ATG2B: variants seen among roughly 807,000 people sequenced by gnomAD.
The protein encoded by ATG2B is autophagy-related protein 2 homolog B.
A neutral mutation model predicts 241.3 loss-of-function variants in ATG2B; 121 were observed. The ratio of observed to expected loss-of-function variants is 0.50; its 90% CI spans 0.43 to 0.58. The LOEUF (loss-of-function observed/expected upper bound fraction) is 0.58. Ranked by LOEUF, ATG2B falls within the 20% of genes least tolerant of loss-of-function variation. ATG2B has a pLI of 0.00. For synonymous variants in ATG2B, 858 were observed against 876.6 expected, an observed-to-expected ratio of 0.98 and a Z score of 0.37; for missense variants, 2,306 against 2,491.6, an observed-to-expected ratio of 0.93 and a Z score of 1.59.
Position 96,332,485 on chromosome 14 carries a change from T to C in ATG2B, c.1362+16A>G. 2.5e-5 allele frequency: 41 copies of C among 1,611,504 alleles called. No homozygotes were observed. The highest frequency in any genetic ancestry group is 3.3e-5 in the Non-Finnish European group (39 of 1,178,878). On this transcript the variant is annotated intron_variant, in intron 9 of 41. Coordinates refer to ENST00000359933, the MANE Select transcript of ATG2B (RefSeq NM_018036.7). Reference sequence around the variant, plus strand: ...GCAACTTTTCAGTCTAGAAGAAAAATTAAGTAATACTTTACCACAGTAGCA... The same window carrying C: ...GCAACTTTTCAGTCTAGAAGAAAAACTAAGTAATACTTTACCACAGTAGCA...
intron 23 of ATG2B, among the ~76,000 whole-genome samples, chr14:96,314,067 C>T (rs1010766761): frequency 1.3e-5 from 2 of 152,078 alleles, no homozygotes; most frequent in African/African-American, 4.8e-5. Flanking sequence ...ATTTCTAATC[C>T]AAACAAATAA....
At chr14:96,317,369 C>T (rs753637501) in intron 19 of ATG2B, 52 bp from the exon 20 acceptor site, 4 of 1,461,420 alleles carry the variant, frequency 2.7e-6, no homozygotes, top group East Asian at 4.6e-5. Context: ...AAAACAGCAA[C>T]ATAAAAATGA....
intron 14 of ATG2B, among the ~76,000 whole-genome samples, chr14:96,328,106 C>T (rs1017096491): frequency 2.6e-5 from 4 of 152,208 alleles, no homozygotes; most frequent in East Asian, 1.9e-4. Context: ...TGAGCCGCCA[C>T]GCCTGGCCAT....
In ATG2B at chr14:96,302,001, A is replaced by G; in HGVS notation, c.5139+6T>C. 2 of 1,609,396 alleles carry G rather than the reference A, an allele frequency of 1.2e-6. No individual in the cohort carries two copies. The highest frequency in any genetic ancestry group is 8.5e-7 in the Non-Finnish European group (1 of 1,176,206). ...TAACGGCAGGAATCACGCTCATGCT[A>G]CAAACCTGGTCAATATTGAGGCGGA... On this transcript the variant is annotated splice_donor_region_variant and intron_variant, in intron 34 of 41. Transcript: ENST00000359933.
chr14:96,297,359 A>G (rs1221314700), intron 34 of ATG2B, among the ~76,000 whole-genome samples: 1 of 151,628 alleles, frequency 6.6e-6, no homozygotes, highest in African/African-American at 2.4e-5. Context: ...AATGCACAAA[A>G]CAACAGATAA....
Position 96,280,200 on chromosome 14 carries a change from T to G in ATG2B, c.*5555A>C, listed in dbSNP as rs1175839725. 6.6e-6 allele frequency: 1 copy of G among 152,210 alleles called. No homozygotes were observed. Among genetic ancestry groups the G allele is most frequent in the Non-Finnish European group, 1.5e-5 (1 of 68,038 alleles). The allele number at this position is 152,210 out of a possible 1,614,324, so 9.4% of individuals were successfully genotyped here. On this transcript the variant is annotated 3_prime_UTR_variant, in exon 42 of 42. Transcript: ENST00000359933. ...ATTCTAAGAGCCTTTAATCTCAATC[T>G]TCTAGCAAAATTCTGTGGTTTCCCA... is the stretch of plus-strand genomic sequence containing the variant.
Position 96,329,606 on chromosome 14 carries a change from A to G in ATG2B, c.1759T>C (p.Tyr587His), listed in dbSNP as rs73363260. 1,687 of 1,607,622 alleles carry G rather than the reference A, an allele frequency of 1.0e-3. 16 individuals are homozygous for G. In the African/African-American group the frequency reaches 0.02, roughly 19 times the overall value. ...RFIGTGIKVS[Y>H]EQRQRSASRY... ...GAAGCTGATCTTTGTCTTTGTTCATAGGATACTTTAATGCCAGTACCTATA... is the reference window on the plus strand; with the variant it reads ...GAAGCTGATCTTTGTCTTTGTTCATGGGATACTTTAATGCCAGTACCTATA... Residue 587 changes from tyrosine (Y) to histidine (H), a missense_variant, in exon 12 of 42, where the codon TAT (tyrosine) becomes CAT (histidine). Transcript: ENST00000359933.
Position 96,312,082 on chromosome 14 carries a change from C to T in ATG2B, c.3913+7G>A, listed in dbSNP as rs768400849. 6.2e-7 allele frequency: 1 copy of T among 1,601,492 alleles called. No individual in the cohort carries two copies. Among genetic ancestry groups the T allele is most frequent in the African/African-American group, 1.3e-5 (1 of 74,376 alleles). On this transcript the variant is annotated splice_region_variant and intron_variant, in intron 26 of 41. Coordinates refer to ENST00000359933, the MANE Select transcript of ATG2B (RefSeq NM_018036.7). The stretch of plus-strand genomic sequence containing the variant: ...TTTATCTACTCCATTTGTTTTTTAA[C>T]TCTTACCTCTACTCAGATTTATAGT...
At chr14:96,322,401 T>C (rs1887482672) in intron 17 of ATG2B, 139 bp downstream of exon 17, 11 of 1,272,314 alleles carry the variant, frequency 8.6e-6, no homozygotes, top group Admixed American at 8.6e-5. Context: ...CAAGAAAAAA[T>C]AGGTATTATT....
rs752555589 is a variant in ATG2B, at chr14:96,331,381, G to A, written c.1725C>T (p.His575=). The change falls in exon 11 of 42, where the codon CAC becomes CAT. Residue 575 remains histidine, a synonymous_variant. Transcript: ENST00000359933. ...ATACATATGTGAGAGTTTACCTAAG[G>A]TGATCGTGTGAGCAAGCTTCTGCAA... ...AVFAEACSHD[H]LRFIGTGIKV... is the part of the protein sequence containing the mutation. 1 of 1,612,342 alleles carries A rather than the reference G, an allele frequency of 6.2e-7. No homozygotes were observed. The highest frequency in any genetic ancestry group is 8.5e-7 in the Non-Finnish European group (1 of 1,179,284).
Position 96,302,046 on chromosome 14 carries a change from C to A in ATG2B, c.5100G>T (p.Leu1700Phe), listed in dbSNP as rs746661155. ...GGCGGAGCGGCATCAGCGACACTCT[C>A]AAGCAGCACTCCTGTGGGGACCTGC... Reference protein sequence around the residue: ...ESGRSPQECCLRVSLMPLRLN... With the variant: ...ESGRSPQECCFRVSLMPLRLN... The change falls in exon 34 of 42, where the codon TTG (leucine) becomes TTT (phenylalanine). Residue 1700 changes from leucine to phenylalanine, a missense_variant. This residue lies in a region of ATG2B where 379 missense variants were observed against 480.4 expected (regional missense o/e 0.79). Transcript: ENST00000359933. The A allele has an allele frequency of 1.6e-5, 26 of 1,614,124 alleles. No individual in the cohort carries two copies. The South Asian group carries it at 2.0e-4, about 12-fold the overall frequency.
chr14:96,320,454 G>A (rs946467707), intron 18 of ATG2B, among the ~76,000 whole-genome samples: 4 of 151,420 alleles, frequency 2.6e-5, no homozygotes, highest in African/African-American at 7.3e-5. Flanking sequence ...AACTAAAAAC[G>A]GTAGACAATG....
chr14:96,322,073 T>C, intron 18 of ATG2B, 39 bp downstream of exon 18: 1 of 1,435,896 alleles, frequency 7.0e-7, no homozygotes, highest in Non-Finnish European at 9.2e-7. Flanking sequence ...AATTAGAAAA[T>C]CTGATTCCAA....
At chr14:96,351,560 AC>A (rs1176534562) in intron 1 of ATG2B, among the ~76,000 whole-genome samples, 2 of 151,988 alleles carry the variant, frequency 1.3e-5, no homozygotes, top group African/African-American at 2.4e-5. Flanking sequence ...ACATGGTGAA[AC>A]CCTGTCTCTA....
intron 28 of ATG2B, among the ~76,000 whole-genome samples, chr14:96,310,902 G>A (rs1759653237): frequency 6.6e-6 from 1 of 152,128 alleles, no homozygotes; most frequent in African/African-American, 2.4e-5. Context: ...ATGTTTGCTA[G>A]GAAGATTAAT....
chr14:96,352,401 G>A (rs138526243), intron 1 of ATG2B, among the ~76,000 whole-genome samples: 186 of 151,900 alleles, frequency 1.2e-3, no homozygotes, highest in Non-Finnish European at 2.4e-3. Flanking sequence ...AAAGTTAACT[G>A]TAAAACAGGC....
chr14:96,305,731 T>C lies in ATG2B; in HGVS notation c.4591A>G (p.Lys1531Glu). The part of the protein sequence containing the change: ...RDNYFSLPVN[K>E]TDTSKAPLHF... Reference sequence around the variant, plus strand: ...AAGGGGGCTTTGCTCGTATCGGTCTTATTAACGGGCAGACTGAAATAATTG... The same window carrying C: ...AAGGGGGCTTTGCTCGTATCGGTCTCATTAACGGGCAGACTGAAATAATTG... The change falls in exon 31 of 42, where the codon AAG becomes GAG. Residue 1531 changes from lysine to glutamate, a missense_variant. Around this residue, in one of 2 missense-constraint regions of ATG2B, gnomAD observed 1,927 missense variants for 2,011.2 expected, o/e 0.96. Transcript: ENST00000359933. 6.2e-7 allele frequency: 1 copy of C among 1,614,188 alleles called. No individual in the cohort carries two copies. Among genetic ancestry groups the C allele is most frequent in the South Asian group, 1.1e-5 (1 of 91,090 alleles).
At chr14:96,314,981 G>A (rs142585085) in intron 23 of ATG2B, among the ~76,000 whole-genome samples, 173 bp downstream of exon 23, 10 of 152,214 alleles carry the variant, frequency 6.6e-5, no homozygotes, top group East Asian at 1.9e-4. Context: ...ATGAGCCACC[G>A]TGCCCGGCCA....
rs1886431263 is a variant in ATG2B at position 96,289,707 on chromosome 14, C to T, written c.5955G>A (p.Gln1985=). ...KRFPHHRLAH[Q]PVDLREGVAK... ...CCACACCTTCCCTCAGGTCTACTGGCTGGTGGGCTAACCGGTGATGAGGAA... is the reference window on the plus strand; with the variant it reads ...CCACACCTTCCCTCAGGTCTACTGGTTGGTGGGCTAACCGGTGATGAGGAA... Residue 1985 remains glutamine, a synonymous_variant, in exon 41 of 42, where the codon CAG becomes CAA. Transcript: ENST00000359933. The surrounding 1 kb of genome is among the most constrained non-coding windows in gnomAD (Gnocchi z 4.3). 6.2e-7 allele frequency: 1 copy of T among 1,614,080 alleles called. No homozygotes were observed. Among genetic ancestry groups the T allele is most frequent in the Non-Finnish European group, 8.5e-7 (1 of 1,180,034 alleles).
Sources: gnomAD v4.1 joint callset for allele counts (sites outside exome capture counted in the v4.1 genomes callset) on GRCh38, gnomAD v4.1.1 for gene constraint, gnomAD v4.1.1 regional missense constraint, Gnocchi (gnomAD v3.1) non-coding constraint, MANE v1.5 for transcripts, NCBI Gene and HGNC (gene_info 2026-07-23, HGNC 2026-07-21) for gene names.